Variants in NSUN3 observed in about 807,000 individuals in gnomAD.
The protein encoded by NSUN3 is NOP2/Sun RNA methyltransferase 3, also known as tRNA (cytosine(34)-C(5))-methyltransferase, mitochondrial.
NSUN3 carries 24 observed loss-of-function variants against 36.8 expected under a neutral mutation model. The observed-to-expected ratio is 0.65, with a 90% CI of 0.47 to 0.92. NSUN3 has a LOEUF of 0.92. NSUN3 is among the 40% of genes least tolerant of loss of function. NSUN3 has a pLI of 0.00. For missense variants in NSUN3, 381 were observed against 392.8 expected (o/e 0.97, Z 0.25); for synonymous variants, 146 against 145.2 (o/e 1.01, Z -0.04).
In NSUN3 at chr3:94,127,617, T is replaced by G. The variant is rs909797496; in HGVS notation, c.*1127T>G. 3.3e-5 allele frequency: 5 copies of G among 152,148 alleles called. No homozygotes were observed. The highest frequency in any genetic ancestry group is 7.3e-5 in the Non-Finnish European group (5 of 68,032). 9.4% of individuals were successfully genotyped at this position (152,148 alleles called of 1,614,324 possible). The stretch of plus-strand genomic sequence containing the variant: ...TTACTTCACTTAGAGTACAAACATA[T>G]TTTTCCAACTATTAAGAAAAATTAT... On this transcript the variant is annotated 3_prime_UTR_variant, in exon 6 of 6. Coordinates refer to ENST00000314622, the MANE Select transcript of NSUN3 (RefSeq NM_022072.5).
intron 5 of NSUN3, among the ~76,000 whole-genome samples, chr3:94,125,903 T>C (rs1295897440): frequency 6.6e-6 from 1 of 151,990 alleles, no homozygotes; most frequent in Non-Finnish European, 1.5e-5. Flanking sequence ...CTACTAAAAA[T>C]ACAAAAATTA....
chr3:94,129,784 C>G lies in NSUN3; in HGVS notation c.*3294C>G, dbSNP rs1171019532. Among the ~76,000 whole-genome samples, 4 of 108,838 alleles carry G rather than the reference C, an allele frequency of 3.7e-5. No individual in the cohort carries two copies. Among genetic ancestry groups the G allele is most frequent in the Non-Finnish European group, 6.8e-5 (4 of 59,148 alleles). 71.4% of individuals were successfully genotyped at this position (108,838 alleles called of 152,430 possible). A position where few individuals can be genotyped will look rare whatever the true frequency, so the allele number is the denominator to read the frequency against. On this transcript the variant is annotated 3_prime_UTR_variant, in exon 6 of 6. Transcript: ENST00000314622. ...TTTTTTTTTGAGACAGAGTCTTGCT[C>G]TGTCGCCCAGGCTGGATGGCGTGCA...
rs2077248596 is a variant in NSUN3, at chr3:94,076,867, T to C, written c.123-7240T>C. The C allele has an allele frequency of 2.6e-6, 4 of 1,538,558 alleles. No homozygotes were observed. The African/African-American group carries it at 5.5e-5, about 21-fold the overall frequency. The stretch of plus-strand genomic sequence containing the variant: ...CTGAACCAAAACCTCCAAATTCTCC[T>C]TTCTCACTGTCGTAGTGTGATGCAT... On this transcript the variant is annotated intron_variant, in intron 2 of 5. Coordinates refer to ENST00000314622, the MANE Select transcript of NSUN3 (RefSeq NM_022072.5).
intron 2 of NSUN3, among the ~76,000 whole-genome samples, chr3:94,069,433 A>G (rs1445792889): frequency 6.6e-6 from 1 of 152,242 alleles, no homozygotes; most frequent in African/African-American, 2.4e-5. Flanking sequence ...AGTGGATAAT[A>G]ATAGCACTAA....
chr3:94,063,198 G>A, intron 1 of NSUN3, 60 bp downstream of exon 1: 18 of 1,561,910 alleles, frequency 1.2e-5, no homozygotes, highest in Non-Finnish European at 1.6e-5. Flanking sequence ...GGACGCGGCC[G>A]AGGTGGCGAG....
chr3:94,094,199 G>T lies in NSUN3; in HGVS notation c.526G>T (p.Glu176Ter), dbSNP rs554392054. Residue 176 changes from glutamate (E) to a stop codon, truncating the protein, a stop_gained, in exon 4 of 6, where the codon GAA becomes TAA. Coordinates refer to ENST00000314622, the MANE Select transcript of NSUN3 (RefSeq NM_022072.5). LOFTEE classifies it high-confidence loss of function. ...LRLRWLRQTL[E>*]SFIPQPLINV... ...ATTGAGGTGGCTAAGGCAGACGTTG[G>T]AATCTTTCATCCCACAGCCTTTGAT... is the stretch of plus-strand genomic sequence containing the variant. 1 of 1,613,462 alleles carries T rather than the reference G, an allele frequency of 6.2e-7. No homozygotes were observed. Among genetic ancestry groups the T allele is most frequent in the East Asian group, 2.2e-5 (1 of 44,832 alleles).
At position 94,111,553 on chromosome 3, in the gene NSUN3, C is replaced by A. The variant is rs1319596183; in HGVS notation, c.744-14658C>A. ...TATTTTCTTTCTTTATATCCTTATT[C>A]TATAAGTTTTTTTCTATTTTTAAAT... On this transcript the variant is annotated intron_variant, in intron 5 of 5. Transcript: ENST00000314622. Among the ~76,000 whole-genome samples the A allele has an allele frequency of 3.3e-5, 5 of 151,970 alleles. No homozygotes were observed. In the East Asian group the frequency reaches 5.8e-4, roughly 18 times the overall value.
intron 5 of NSUN3, among the ~76,000 whole-genome samples, chr3:94,102,759 C>T (rs1347682456): frequency 2.0e-5 from 3 of 151,950 alleles, no homozygotes; most frequent in African/African-American, 7.3e-5. Flanking sequence ...TAATTTGTAA[C>T]TATTATATTT....
chr3:94,075,108 A>AT (rs376702191), intron 2 of NSUN3, among the ~76,000 whole-genome samples: 1 of 151,502 alleles, frequency 6.6e-6, no homozygotes, highest in African/African-American at 2.4e-5. Context: ...GATTACTTTT[A>AT]TTTTTTTTCA....
chr3:94,113,140 A>G (rs2077424863), intron 5 of NSUN3, among the ~76,000 whole-genome samples: 1 of 152,168 alleles, frequency 6.6e-6, no homozygotes, highest in South Asian at 2.1e-4. Flanking sequence ...CTGGGATTAC[A>G]GGTGTGAGCC....
At chr3:94,091,406 G>T (rs1242022502) in intron 3 of NSUN3, among the ~76,000 whole-genome samples, 1 of 152,062 alleles carries the variant, frequency 6.6e-6, no homozygotes, top group African/African-American at 2.4e-5. Context: ...CAGGAAAAAA[G>T]AAAGCCATCC....
At chr3:94,084,502 T>C (rs934904118) in intron 3 of NSUN3, 52 bp downstream of exon 3, 1 of 1,352,930 alleles carries the variant, frequency 7.4e-7, no homozygotes, top group South Asian at 1.4e-5. Context: ...CTGTATGTTA[T>C]AGAGAATTCT....
intron 3 of NSUN3, among the ~76,000 whole-genome samples, chr3:94,086,692 C>T (rs1318756251): frequency 1.3e-5 from 2 of 152,340 alleles, no homozygotes; most frequent in South Asian, 4.1e-4. Context: ...GGTTAAAACT[C>T]AGCTATTGAA....
At chr3:94,081,813 T>A (rs2077270160) in intron 2 of NSUN3, 1 of 152,186 alleles carries the variant, frequency 6.6e-6, no homozygotes, top group Non-Finnish European at 1.5e-5. Flanking sequence ...AATAAAGATG[T>A]GAAATATCTC....
At chr3:94,106,644 C>A (rs956722181) in intron 5 of NSUN3, among the ~76,000 whole-genome samples, 2 of 152,016 alleles carry the variant, frequency 1.3e-5, no homozygotes, top group African/African-American at 2.4e-5. Flanking sequence ...TTTCTTTGGT[C>A]GTAGTGTATA....
intron 2 of NSUN3, among the ~76,000 whole-genome samples, chr3:94,077,943 G>A (rs1478999093): frequency 6.6e-6 from 1 of 152,064 alleles, no homozygotes. Context: ...ATCACCTTCA[G>A]TTCTGCTCTG....
intron 5 of NSUN3, among the ~76,000 whole-genome samples, chr3:94,103,625 AT>A (rs2077374537): frequency 6.6e-6 from 1 of 152,080 alleles, no homozygotes; most frequent in African/African-American, 2.4e-5. Context: ...AGGAATCATA[AT>A]GATATACAAT....
chr3:94,106,644 C>T (rs956722181), intron 5 of NSUN3, among the ~76,000 whole-genome samples: 3 of 152,016 alleles, frequency 2.0e-5, no homozygotes, highest in East Asian at 1.9e-4. Flanking sequence ...TTTCTTTGGT[C>T]GTAGTGTATA....
rs926003000 is a variant in NSUN3 at position 94,077,972 on chromosome 3, C to T, written c.123-6135C>T. Among the ~76,000 whole-genome samples the T allele has an allele frequency of 4.6e-4, 70 of 152,178 alleles. 1 individual carries two copies. The highest frequency in any genetic ancestry group is 1.9e-4 in the Non-Finnish European group (13 of 68,012). ...TGCTCTGATCTTAGTTATTTCTTGTCTTCTGCTAGCTTTTGAATTTGTTTG... is the reference window on the plus strand; with the variant it reads ...TGCTCTGATCTTAGTTATTTCTTGTTTTCTGCTAGCTTTTGAATTTGTTTG... On this transcript the variant is annotated intron_variant, in intron 2 of 5. Coordinates refer to ENST00000314622, the MANE Select transcript of NSUN3 (RefSeq NM_022072.5).
Sources: allele counts gnomAD v4.1 joint callset (sites outside exome capture counted in the v4.1 genomes callset), GRCh38; gene constraint gnomAD v4.1.1; transcripts MANE v1.5; gene names NCBI Gene and HGNC (gene_info 2026-07-23, HGNC 2026-07-21).